The following ZBTB20 variants were observed in gnomAD, a reference collection of about 807,000 sequenced individuals.
ZBTB20 encodes the protein zinc finger and BTB domain containing 20.
Under a neutral mutation model 56.9 loss-of-function variants are expected in ZBTB20, and 9 were observed. That is an observed-to-expected ratio of 0.16 (90% CI 0.10 to 0.28). ZBTB20 has a LOEUF of 0.28. ZBTB20 is among the 10% of genes least tolerant of loss of function. The pLI is 1.00. For missense variants in ZBTB20, 655 were observed against 1,003.0 expected, an observed-to-expected ratio of 0.65 and a Z score of 4.69; for synonymous variants, 417 against 420.7, an observed-to-expected ratio of 0.99 and a Z score of 0.11.
chr3:114,477,356 C>T (rs968669782), intron 7 of ZBTB20, among the ~76,000 whole-genome samples: 2 of 152,082 alleles, frequency 1.3e-5, no homozygotes, highest in African/African-American at 4.8e-5. Context: ...TTTCTGATTA[C>T]TTTATAGATA....
intron 6 of ZBTB20, among the ~76,000 whole-genome samples, chr3:114,646,613 T>C (rs1320294835): frequency 6.6e-6 from 1 of 152,234 alleles, no homozygotes; most frequent in Non-Finnish European, 1.5e-5. Context: ...CTACTGTAAA[T>C]GTAAAGAAAA....
At chr3:114,547,947 T>C (rs758049793) in intron 6 of ZBTB20, among the ~76,000 whole-genome samples, 1 of 152,260 alleles carries the variant, frequency 6.6e-6, no homozygotes, top group African/African-American at 2.4e-5. Flanking sequence ...TAGTGCTAGA[T>C]ATGCCACCTT....
chr3:114,501,558 G>A (rs1268220381), intron 6 of ZBTB20, among the ~76,000 whole-genome samples: 3 of 149,436 alleles, frequency 2.0e-5, no homozygotes, highest in South Asian at 2.1e-4. Flanking sequence ...CCTGGGAGGC[G>A]GAGGTTGCAG....
chr3:114,681,365 T>A (rs557671907), intron 6 of ZBTB20, among the ~76,000 whole-genome samples: 33 of 152,064 alleles, frequency 2.2e-4, no homozygotes, highest in African/African-American at 8.0e-4. Flanking sequence ...TTTGCCATGT[T>A]GGCTAGGCTG....
intron 4 of ZBTB20, among the ~76,000 whole-genome samples, chr3:114,883,405 T>C (rs1292550417): frequency 2.0e-5 from 3 of 152,202 alleles, no homozygotes; most frequent in African/African-American, 7.2e-5. Context: ...TGATCAGAAA[T>C]GTATTACTTA....
Position 115,033,755 on chromosome 3 carries a change from G to A in ZBTB20, c.-507+37464C>T, listed in dbSNP as rs149088069. Among the ~76,000 whole-genome samples, 325 of 151,682 alleles carry A rather than the reference G, an allele frequency of 2.1e-3. 4 individuals carry two copies. Among genetic ancestry groups the A allele is most frequent in the Non-Finnish European group, 3.0e-3 (202 of 67,650 alleles). On this transcript the variant is annotated intron_variant, in intron 2 of 11. Coordinates refer to ENST00000675478, the MANE Select transcript of ZBTB20 (RefSeq NM_001348800.3). ...AACACTCCCTGATTGATTACATGAG[G>A]CCTGTATTACCCTGATGCCAAAACC...
At chr3:114,891,457 T>G (rs1279574998) in intron 4 of ZBTB20, among the ~76,000 whole-genome samples, 1 of 152,230 alleles carries the variant, frequency 6.6e-6, no homozygotes, top group Non-Finnish European at 1.5e-5. Flanking sequence ...TAGTCATGCC[T>G]TGAAACATAG....
intron 7 of ZBTB20, among the ~76,000 whole-genome samples, chr3:114,433,628 C>CTATTT (rs2090284520): frequency 1.3e-5 from 2 of 152,150 alleles, no homozygotes; most frequent in Admixed American, 6.6e-5. Context: ...TCTGATGGCA[C>CTATTT]ATTCTAGGTG....
chr3:114,346,438 A>T (rs2108154470), intron 11 of ZBTB20, among the ~76,000 whole-genome samples: 1 of 147,698 alleles, frequency 6.8e-6, no homozygotes, highest in Non-Finnish European at 1.5e-5. Flanking sequence ...TTTATTTTAA[A>T]CTCAAAGAAA....
chr3:115,134,605 T>C lies in ZBTB20; in HGVS notation c.-703+12614A>G, dbSNP rs150753866. On this transcript the variant is annotated intron_variant, in intron 1 of 11. Transcript: ENST00000675478. Reference sequence around the variant, plus strand: ...ACTATGCTCTCCCACAAATCCTGAGTTGTTCAAATGAGATATATTTAATAT... The same window carrying C: ...ACTATGCTCTCCCACAAATCCTGAGCTGTTCAAATGAGATATATTTAATAT... Among the ~76,000 whole-genome samples, 416 of 152,288 alleles carry C rather than the reference T, an allele frequency of 2.7e-3. 1 individual carries two copies. Among genetic ancestry groups the C allele is most frequent in the African/African-American group, 9.3e-3 (385 of 41,546 alleles).
chr3:114,350,467 G>A lies in ZBTB20; in HGVS notation c.1611C>T (p.Thr537=). 6.2e-7 allele frequency: 1 copy of A among 1,614,132 alleles called. No individual in the cohort carries two copies. Among genetic ancestry groups the A allele is most frequent in the Non-Finnish European group, 8.5e-7 (1 of 1,180,018 alleles). ...CGGGCTGGGACACTGTCACAAACTG[G>A]GTCTGCTGGCCTGCCAGGGGCTGTG... ...SLPQPLAGQQ[T]QFVTVSQPGL... is the part of the protein sequence containing the mutation. The change falls in exon 11 of 12, where the codon ACC becomes ACT. Residue 537 remains threonine, a synonymous_variant. Transcript: ENST00000675478.
At chr3:114,867,323 T>C (rs2107521991) in intron 4 of ZBTB20, among the ~76,000 whole-genome samples, 1 of 152,288 alleles carries the variant, frequency 6.6e-6, no homozygotes, top group Middle Eastern at 3.4e-3. Context: ...GGAATCTTGG[T>C]TCCTTACCAT....
rs983406258 is a variant in ZBTB20 at position 114,656,277 on chromosome 3, T to C, written c.-295+37251A>G. On this transcript the variant is annotated intron_variant, in intron 6 of 11. Coordinates refer to ENST00000675478, the MANE Select transcript of ZBTB20 (RefSeq NM_001348800.3). ...GTGCCTACATGTGATTTTCTTTGCA[T>C]ATTTTTGTGTTTTTTCTCAGCAAAT... Among the ~76,000 whole-genome samples the C allele has an allele frequency of 4.6e-5, 7 of 152,222 alleles. No individual in the cohort carries two copies. The South Asian group carries it at 1.4e-3, about 31-fold the overall frequency.
intron 6 of ZBTB20, among the ~76,000 whole-genome samples, chr3:114,631,579 G>T (rs2058952320): frequency 6.6e-6 from 1 of 151,398 alleles, no homozygotes. Context: ...TTTTAGTAGA[G>T]ACAGGGTTTC....
chr3:114,422,069 T>A (rs1190800341), intron 7 of ZBTB20, among the ~76,000 whole-genome samples: 1 of 152,186 alleles, frequency 6.6e-6, no homozygotes, highest in Admixed American at 6.5e-5. Context: ...AACACACAAG[T>A]AGATGAAGTT....
intron 5 of ZBTB20, among the ~76,000 whole-genome samples, chr3:114,741,415 T>C (rs2066563423): frequency 6.6e-6 from 1 of 151,878 alleles, no homozygotes; most frequent in South Asian, 2.1e-4. Context: ...ATGTTAAGAG[T>C]GATACAAGGA....
intron 6 of ZBTB20, among the ~76,000 whole-genome samples, chr3:114,552,353 T>C (rs1047755860): frequency 1.3e-5 from 2 of 152,152 alleles, no homozygotes; most frequent in Non-Finnish European, 2.9e-5. Context: ...CATCAAAGAT[T>C]AGGAAATCTA....
At chr3:114,350,051 C>T (rs1390102681) in intron 11 of ZBTB20, among the ~76,000 whole-genome samples, 1 of 152,036 alleles carries the variant, frequency 6.6e-6, no homozygotes, top group Admixed American at 6.5e-5. Context: ...CTAGGACATC[C>T]CTTCTCCATA....
At chr3:114,342,753 G>T (rs1392820242) in intron 11 of ZBTB20, among the ~76,000 whole-genome samples, 1 of 152,150 alleles carries the variant, frequency 6.6e-6, no homozygotes, top group Non-Finnish European at 1.5e-5. Context: ...AAAATGACTT[G>T]CATGGCATAT....
Sources: gnomAD v4.1 joint callset for allele counts (sites outside exome capture counted in the v4.1 genomes callset) on GRCh38, gnomAD v4.1.1 for gene constraint, MANE v1.5 for transcripts, NCBI Gene and HGNC (gene_info 2026-07-23, HGNC 2026-07-21) for gene names.